Variants in PPP1R9A observed in about 807,000 individuals in gnomAD.
PPP1R9A encodes protein phosphatase 1 regulatory subunit 9A.
Under a neutral mutation model 141.9 loss-of-function variants are expected in PPP1R9A, and 59 were observed. The ratio of observed to expected loss-of-function variants is 0.42; its 90% confidence interval spans 0.34 to 0.52. The LOEUF is 0.52. Among genes scored for constraint, PPP1R9A ranks in the 20% least tolerant of loss-of-function variants. The pLI is 0.10. For missense variants in PPP1R9A, 1,444 were observed against 1,611.9 expected (o/e 0.90, Z 1.78); for synonymous variants, 500 against 569.7 (o/e 0.88, Z 1.74).
intron 2 of PPP1R9A, among the ~76,000 whole-genome samples, chr7:95,082,883 G>A (rs545871393): frequency 6.7e-6 from 1 of 148,244 alleles, no homozygotes; most frequent in African/African-American, 2.5e-5. Flanking sequence ...AGCCTCCCAA[G>A]TAGCTGGGAC....
chr7:95,198,944 T>C (rs1788919395), intron 6 of PPP1R9A, among the ~76,000 whole-genome samples: 1 of 152,190 alleles, frequency 6.6e-6, no homozygotes, highest in Admixed American at 6.5e-5. Flanking sequence ...TTGCTGAGTG[T>C]TTCCAGTGTC....
chr7:94,972,159 G>T (rs1276532534), intron 2 of PPP1R9A, among the ~76,000 whole-genome samples: 1 of 152,122 alleles, frequency 6.6e-6, no homozygotes, highest in Non-Finnish European at 1.5e-5. Flanking sequence ...GCAGTTGTCT[G>T]TTTTTTCATA....
At chr7:94,965,362 G>A (rs1798090117) in intron 2 of PPP1R9A, among the ~76,000 whole-genome samples, 1 of 152,058 alleles carries the variant, frequency 6.6e-6, no homozygotes, top group African/African-American at 2.4e-5. Flanking sequence ...CATTGCTATT[G>A]CTTTTGGTGT....
At chr7:95,027,073 C>A (rs1369935037) in intron 2 of PPP1R9A, among the ~76,000 whole-genome samples, 2 of 152,070 alleles carry the variant, frequency 1.3e-5, no homozygotes, top group African/African-American at 2.4e-5. Flanking sequence ...GACTTCAGCC[C>A]CCTTTCCAAG....
intron 2 of PPP1R9A, among the ~76,000 whole-genome samples, chr7:95,101,720 T>C (rs905653752): frequency 6.6e-6 from 1 of 152,214 alleles, no homozygotes; most frequent in Non-Finnish European, 1.5e-5. Flanking sequence ...CTAGTTTACC[T>C]TTCTTTGGGC....
chr7:95,119,415 G>A (rs1056106709), intron 3 of PPP1R9A, among the ~76,000 whole-genome samples: 9 of 152,278 alleles, frequency 5.9e-5, no homozygotes, highest in Middle Eastern at 3.4e-3. Flanking sequence ...TCAGTCATTA[G>A]AAATAATTTA....
In PPP1R9A at chr7:94,911,157, A is replaced by C. The variant is rs1251594400; in HGVS notation, c.1044A>C (p.Glu348Asp). 1 of 1,614,170 alleles carries C rather than the reference A, an allele frequency of 6.2e-7. No homozygotes were observed. Among genetic ancestry groups the C allele is most frequent in the Non-Finnish European group, 8.5e-7 (1 of 1,180,018 alleles). The change falls in exon 2 of 20, where the codon GAA becomes GAC. Residue 348 changes from glutamate (E) to aspartate (D), a missense_variant. Physicochemically the swap from Glu to Asp is conservative, Grantham distance 45. Coordinates refer to ENST00000433360, the MANE Select transcript of PPP1R9A (RefSeq NM_001166160.2). ...AAAGCCAACTGTTAGAAGATGCTGA[A>C]GCTAATTTGGTTGGAAGGGAGGCAG... ...SPQSQLLEDA[E>D]ANLVGREAAK... is the part of the protein sequence containing the mutation.
intron 2 of PPP1R9A, among the ~76,000 whole-genome samples, chr7:94,917,555 C>T (rs916589294): frequency 6.6e-6 from 1 of 151,204 alleles, no homozygotes; most frequent in African/African-American, 2.4e-5. Flanking sequence ...TACAGGCAAG[C>T]GCCACCATGC....
intron 2 of PPP1R9A, among the ~76,000 whole-genome samples, chr7:95,021,258 G>A (rs146081833): frequency 0.023 from 3,550 of 151,112 alleles, 152 homozygotes; most frequent in African/African-American, 0.081. Context: ...TTTGTTGGCC[G>A]CATAAATGTC....
intron 2 of PPP1R9A, among the ~76,000 whole-genome samples, chr7:95,020,926 A>C (rs886944918): frequency 6.6e-6 from 1 of 152,226 alleles, no homozygotes; most frequent in Non-Finnish European, 1.5e-5. Flanking sequence ...ACAGTGCTGC[A>C]GTAAACATAC....
At chr7:94,935,618 C>T (rs1417145934) in intron 2 of PPP1R9A, among the ~76,000 whole-genome samples, 1 of 152,138 alleles carries the variant, frequency 6.6e-6, no homozygotes, top group East Asian at 1.9e-4. Flanking sequence ...GTTTTAAAAA[C>T]AGAATTATTC....
chr7:95,193,057 A>G (rs1056550378), intron 5 of PPP1R9A, among the ~76,000 whole-genome samples: 2 of 152,074 alleles, frequency 1.3e-5, no homozygotes, highest in African/African-American at 4.8e-5. Context: ...TCACTCCTTC[A>G]GACACATGAG....
chr7:95,092,968 A>T lies in PPP1R9A; in HGVS notation c.1396-18291A>T, dbSNP rs191456042. ...ATGTCAGGGTGACTTGTAAGAAGCA[A>T]ATGGACATTTGAGTGCAACTACACT... On this transcript the variant is annotated intron_variant, in intron 2 of 19. Coordinates refer to ENST00000433360, the MANE Select transcript of PPP1R9A (RefSeq NM_001166160.2). 1.9e-3 allele frequency among the ~76,000 whole-genome samples: 294 copies of T among 152,312 alleles called. 2 individuals are homozygous for T. The highest frequency in any genetic ancestry group is 6.6e-3 in the African/African-American group (275 of 41,574).
chr7:94,993,088 G>GTTTTTTTTTT, intron 2 of PPP1R9A, among the ~76,000 whole-genome samples: 1 of 146,774 alleles, frequency 6.8e-6, no homozygotes, highest in Non-Finnish European at 1.5e-5. Flanking sequence ...TATGTGTATG[G>GTTTTTTTTTT]TTTTTTTTTT....
intron 7 of PPP1R9A, among the ~76,000 whole-genome samples, chr7:95,212,835 A>T (rs1011853419): frequency 1.3e-5 from 2 of 152,210 alleles, no homozygotes; most frequent in Non-Finnish European, 2.9e-5. Context: ...GTATATCCTG[A>T]TGGTTTATGG....
intron 2 of PPP1R9A, among the ~76,000 whole-genome samples, chr7:95,070,717 C>T (rs1315271255): frequency 1.3e-5 from 2 of 150,614 alleles, no homozygotes; most frequent in Non-Finnish European, 1.5e-5. Flanking sequence ...AGAAGTGAGA[C>T]TTTTTGTGAT....
At chr7:95,092,470 C>T (rs977068960) in intron 2 of PPP1R9A, among the ~76,000 whole-genome samples, 2 of 152,040 alleles carry the variant, frequency 1.3e-5, no homozygotes, top group East Asian at 3.9e-4. Context: ...CAGGGTGGAC[C>T]AGACAGTGAA....
At chr7:94,976,895 G>A (rs1799513104) in intron 2 of PPP1R9A, among the ~76,000 whole-genome samples, 1 of 152,026 alleles carries the variant, frequency 6.6e-6, no homozygotes, top group African/African-American at 2.4e-5. Flanking sequence ...CCTTCTTTAT[G>A]TAGGTTATAT....
chr7:94,937,452 C>T (rs1334811650), intron 2 of PPP1R9A, among the ~76,000 whole-genome samples: 1 of 152,144 alleles, frequency 6.6e-6, no homozygotes, highest in Admixed American at 6.5e-5. Context: ...ATTTTAAAGT[C>T]TTGGCCTGTC....
Sources: allele counts gnomAD v4.1 joint callset (sites outside exome capture counted in the v4.1 genomes callset), GRCh38; gene constraint gnomAD v4.1.1; transcripts MANE v1.5; gene names NCBI Gene and HGNC (gene_info 2026-07-23, HGNC 2026-07-21).